B3GAT2: variants seen among roughly 807,000 people sequenced by gnomAD.
B3GAT2 encodes the protein beta-1,3-glucuronyltransferase 2.
B3GAT2 carries 26 observed loss-of-function variants against 27.8 expected under a neutral mutation model. That is an observed-to-expected ratio of 0.93 (90% CI 0.68 to 1.30). B3GAT2 has a LOEUF of 1.30. B3GAT2 is among the 50% of genes most tolerant of loss of function. The pLI, the probability that B3GAT2 is intolerant of heterozygous loss-of-function variation, is 0.00. For synonymous variants in B3GAT2, 218 were observed against 195.1 expected (o/e 1.12, Z -0.98); for missense variants, 458 against 459.0 (o/e 1.00, Z 0.02).
intron 2 of B3GAT2, among the ~76,000 whole-genome samples, chr6:70,887,746 C>T (rs573658559): frequency 2.0e-5 from 3 of 152,178 alleles, no homozygotes; most frequent in Non-Finnish European, 4.4e-5. Context: ...GAAGCATCAG[C>T]AAAACCTTCC....
At chr6:70,883,415 CATAAT>C (rs1296153207) in intron 2 of B3GAT2, among the ~76,000 whole-genome samples, 3 of 138,164 alleles carry the variant, frequency 2.2e-5, no homozygotes, top group Non-Finnish European at 3.1e-5. Context: ...AATTCTGATA[CATAAT>C]ATAATATGAA....
chr6:70,875,714 A>G (rs1772004419), intron 2 of B3GAT2, among the ~76,000 whole-genome samples: 1 of 152,206 alleles, frequency 6.6e-6, no homozygotes, highest in Non-Finnish European at 1.5e-5. Context: ...ACTGACTGAA[A>G]CTTTATAATT....
In B3GAT2 at chr6:70,918,219, T is replaced by C. The variant is rs532605353; in HGVS notation, c.592-23947A>G. ...AAGTCTGTTTCATCAGAGACCAGGA[T>C]GGCAAACCCTTTTTTTTGCTTTCCA... On this transcript the variant is annotated intron_variant, in intron 1 of 3. Transcript: ENST00000230053. Among the ~76,000 whole-genome samples, 9 of 152,328 alleles carry C rather than the reference T, an allele frequency of 5.9e-5. No individual in the cohort carries two copies. The South Asian group carries it at 1.7e-3, about 28-fold the overall frequency.
intron 1 of B3GAT2, among the ~76,000 whole-genome samples, chr6:70,915,250 G>C (rs999555899): frequency 2.6e-5 from 4 of 151,966 alleles, no homozygotes; most frequent in African/African-American, 9.7e-5. Flanking sequence ...TTTTGATGCA[G>C]TGGTTTTTTT....
Position 70,956,231 on chromosome 6 carries a change from T to A in B3GAT2, c.199A>T (p.Asn67Tyr). The change falls in exon 1 of 4, where the codon AAC (asparagine) becomes TAC (tyrosine). Residue 67 changes from asparagine to tyrosine, a missense_variant. Transcript: ENST00000230053. ...GGCTGTGGCTGCGGCCGAGACTGGT[T>A]GCGCTTTTGGGTCCCGTGAGCCGGG... is the stretch of plus-strand genomic sequence containing the variant. ...GGPAHGTQKRNQSRPQPQPEP... is the reference protein window; with the variant it reads ...GGPAHGTQKRYQSRPQPQPEP... 6.2e-7 allele frequency: 1 copy of A among 1,612,532 alleles called. No homozygotes were observed. Among genetic ancestry groups the A allele is most frequent in the Non-Finnish European group, 8.5e-7 (1 of 1,179,214 alleles).
At position 70,873,008 on chromosome 6, in the gene B3GAT2, A is replaced by T. The variant is rs979441303; in HGVS notation, c.737-11030T>A. Among the ~76,000 whole-genome samples the T allele has an allele frequency of 2.6e-5, 4 of 152,220 alleles. No individual in the cohort carries two copies. The South Asian group carries it at 8.3e-4, about 32-fold the overall frequency. ...TTGTGCTATTATTGTCATAAAAATT[A>T]TATCTTTATACATTTTGTGCTCCTC... On this transcript the variant is annotated intron_variant, in intron 2 of 3. Coordinates refer to ENST00000230053, the MANE Select transcript of B3GAT2 (RefSeq NM_080742.3).
chr6:70,871,572 ATAT>A (rs1771938835), intron 2 of B3GAT2, among the ~76,000 whole-genome samples: 1 of 151,952 alleles, frequency 6.6e-6, no homozygotes, highest in Non-Finnish European at 1.5e-5. Context: ...GTTGGTATTA[ATAT>A]TCGTGCTTTC....
intron 2 of B3GAT2, among the ~76,000 whole-genome samples, chr6:70,865,103 A>C (rs1276826333): frequency 6.6e-6 from 1 of 152,316 alleles, no homozygotes; most frequent in Non-Finnish European, 1.5e-5. Context: ...TAAAACAAAA[A>C]AATGACAATA....
intron 1 of B3GAT2, among the ~76,000 whole-genome samples, chr6:70,936,369 A>G (rs1037935526): frequency 6.6e-6 from 1 of 151,636 alleles, no homozygotes; most frequent in Non-Finnish European, 1.5e-5. Context: ...ACAAGGATAC[A>G]CAGGAATTGA....
chr6:70,869,074 C>A (rs571929385), intron 2 of B3GAT2, among the ~76,000 whole-genome samples: 2 of 152,148 alleles, frequency 1.3e-5, no homozygotes, highest in Non-Finnish European at 1.5e-5. Flanking sequence ...GTCTTAGAAC[C>A]TTTGGCAAAA....
chr6:70,933,690 A>G (rs1773095546), intron 1 of B3GAT2, among the ~76,000 whole-genome samples: 1 of 152,162 alleles, frequency 6.6e-6, no homozygotes, highest in Admixed American at 6.5e-5. Context: ...ACGTCCATAT[A>G]TGGACCATAC....
chr6:70,915,523 G>GT (rs1772758284), intron 1 of B3GAT2, among the ~76,000 whole-genome samples: 1 of 152,060 alleles, frequency 6.6e-6, no homozygotes, highest in South Asian at 2.1e-4. Flanking sequence ...TTTTTGTAGG[G>GT]TTTTTATGGT....
At chr6:70,930,562 G>GCAGC (rs1159703689) in intron 1 of B3GAT2, among the ~76,000 whole-genome samples, 6 of 151,228 alleles carry the variant, frequency 4.0e-5, no homozygotes, top group African/African-American at 1.4e-4. Flanking sequence ...CAAAAGACAT[G>GCAGC]CAGCCAACAG....
intron 2 of B3GAT2, among the ~76,000 whole-genome samples, chr6:70,885,427 C>T (rs2150028071): frequency 6.6e-6 from 1 of 152,260 alleles, no homozygotes; most frequent in African/African-American, 2.4e-5. Flanking sequence ...TGCTCCTAAA[C>T]AACTCTTTAA....
chr6:70,935,842 A>C (rs1765266232), intron 1 of B3GAT2, among the ~76,000 whole-genome samples: 1 of 152,166 alleles, frequency 6.6e-6, no homozygotes, highest in Non-Finnish European at 1.5e-5. Flanking sequence ...AAACTGCATC[A>C]ACTAACGAGC....
chr6:70,864,467 C>T (rs545077364), intron 2 of B3GAT2, among the ~76,000 whole-genome samples: 40 of 152,278 alleles, frequency 2.6e-4, no homozygotes, highest in Non-Finnish European at 4.3e-4. Context: ...GAGAATGGTG[C>T]GCACCTGAAA....
Position 70,856,762 on chromosome 6 carries a change from T to A in B3GAT2, c.*4901A>T. On this transcript the variant is annotated 3_prime_UTR_variant, in exon 4 of 4. Transcript: ENST00000230053. ...ATTTTACCTTCTACAATTGTTTGAT[T>A]CCTATCTAATTTTATAACTTTATTT... 2 of 1,260,530 alleles carry A rather than the reference T, an allele frequency of 1.6e-6. No homozygotes were observed. The highest frequency in any genetic ancestry group is 2.2e-6 in the Non-Finnish European group (2 of 928,330). The allele number at this position is 1,260,530 out of a possible 1,614,324, so 78.1% of individuals were successfully genotyped here.
At chr6:70,890,266 C>A (rs769085828) in intron 2 of B3GAT2, among the ~76,000 whole-genome samples, 3 of 152,094 alleles carry the variant, frequency 2.0e-5, no homozygotes, top group South Asian at 2.1e-4. Context: ...CTGGCTCCCC[C>A]CCTGCAGTCA....
intron 2 of B3GAT2, among the ~76,000 whole-genome samples, chr6:70,887,070 T>G (rs1349459155): frequency 6.6e-6 from 1 of 152,172 alleles, no homozygotes; most frequent in South Asian, 2.1e-4. Flanking sequence ...ATAGAAAACA[T>G]TCATGCATGG....
Sources: gnomAD v4.1 joint callset for allele counts (sites outside exome capture counted in the v4.1 genomes callset) on GRCh38, gnomAD v4.1.1 for gene constraint, MANE v1.5 for transcripts, NCBI Gene and HGNC (gene_info 2026-07-23, HGNC 2026-07-21) for gene names.